The following SEL1L2 variants were observed in gnomAD, a reference collection of about 807,000 sequenced individuals.
SEL1L2 encodes protein sel-1 homolog 2.
Under a neutral mutation model 98.8 loss-of-function variants are expected in SEL1L2, and 89 were observed. The observed-to-expected ratio is 0.90, with a 90% confidence interval of 0.76 to 1.07. SEL1L2 has a LOEUF of 1.07. Ranked by LOEUF, SEL1L2 falls within the 50% of genes least tolerant of loss-of-function variation. SEL1L2 has a pLI of 0.00. For synonymous variants in SEL1L2, 262 were observed against 278.5 expected (o/e 0.94, Z 0.59); for missense variants, 788 against 812.0 (o/e 0.97, Z 0.36).
chr20:13,932,708 G>C, intron 2 of SEL1L2, among the ~76,000 whole-genome samples: 1 of 152,150 alleles, frequency 6.6e-6, no homozygotes, highest in East Asian at 1.9e-4. Context: ...CGGGATTACA[G>C]GCATGAGCCA....
chr20:13,868,465 T>C (rs958990990), intron 14 of SEL1L2, among the ~76,000 whole-genome samples: 17 of 152,148 alleles, frequency 1.1e-4, no homozygotes, highest in African/African-American at 4.1e-4. Context: ...AAGGGCATGC[T>C]GCTTGCAAGA....
intron 14 of SEL1L2, among the ~76,000 whole-genome samples, chr20:13,867,263 C>T (rs942456294): frequency 7.9e-5 from 12 of 152,250 alleles, no homozygotes; most frequent in Admixed American, 5.2e-4. Flanking sequence ...ATGACTATGG[C>T]GTATGCAGCA....
chr20:13,873,362 A>T (rs1451577761), intron 12 of SEL1L2, among the ~76,000 whole-genome samples: 4 of 150,438 alleles, frequency 2.7e-5, no homozygotes, highest in African/African-American at 9.8e-5. Flanking sequence ...ATTTTTATTT[A>T]TTTATTTATT....
At chr20:13,986,923 C>G (rs2052218105) in intron 1 of SEL1L2, among the ~76,000 whole-genome samples, 1 of 152,190 alleles carries the variant, frequency 6.6e-6, no homozygotes, top group African/African-American at 2.4e-5. Context: ...AGCTCCGCCT[C>G]CCGGGTTCAA....
At chr20:13,888,374 C>A in intron 6 of SEL1L2, 85 bp downstream of exon 6, 2 of 853,224 alleles carry the variant, frequency 2.3e-6, no homozygotes, top group Non-Finnish European at 3.8e-6. Flanking sequence ...CTAGAGTGAG[C>A]CCCTTTACTT....
At chr20:13,984,072 C>T (rs187285400) in intron 1 of SEL1L2, among the ~76,000 whole-genome samples, 18 of 150,716 alleles carry the variant, frequency 1.2e-4, no homozygotes, top group South Asian at 6.3e-4. Flanking sequence ...AGTGCAGTGG[C>T]GTGATCTAAG....
intron 17 of SEL1L2, among the ~76,000 whole-genome samples, 165 bp from the exon 18 acceptor site, chr20:13,859,599 G>A (rs1160018655): frequency 6.6e-6 from 1 of 152,176 alleles, no homozygotes; most frequent in Non-Finnish European, 1.5e-5. Context: ...ACTGGAATTA[G>A]ATATACTTTA....
chr20:13,986,269 T>C (rs2052177980), intron 1 of SEL1L2, among the ~76,000 whole-genome samples: 1 of 152,094 alleles, frequency 6.6e-6, no homozygotes, highest in Non-Finnish European at 1.5e-5. Context: ...TAACATAAAA[T>C]TACCCGTTTT....
intron 2 of SEL1L2, among the ~76,000 whole-genome samples, chr20:13,952,832 C>T (rs1219074319): frequency 2.0e-5 from 3 of 152,138 alleles, no homozygotes; most frequent in Non-Finnish European, 2.9e-5. Flanking sequence ...AGATCAAGAC[C>T]ATCCTGGCCA....
upstream of SEL1L2, among the ~76,000 whole-genome samples, chr20:13,994,048 C>T (rs190926144): frequency 9.2e-5 from 14 of 152,048 alleles, no homozygotes; most frequent in Admixed American, 5.2e-4. Context: ...CGGTGGCTCA[C>T]GCCTGTAATC....
At position 13,886,388 on chromosome 20, in the gene SEL1L2, G is replaced by C; in HGVS notation, c.800C>G (p.Thr267Arg). The change falls in exon 9 of 20, where the codon ACG (threonine) becomes AGG (arginine). Residue 267 changes from threonine to arginine, a missense_variant. Physicochemically the swap from Thr to Arg is moderately conservative, Grantham distance 71. Transcript: ENST00000284951. ...AGAACTCAGATTTTCAGGTCTTTCC[G>C]TTAGTCTCACTTTTTCCACTGGAAC... ...EGVPVEKVRLTERPENLSSNS... is the reference protein window; with the variant it reads ...EGVPVEKVRLRERPENLSSNS... 2 of 1,613,638 alleles carry C rather than the reference G, an allele frequency of 1.2e-6. No individual in the cohort carries two copies. Among genetic ancestry groups the C allele is most frequent in the Non-Finnish European group, 1.7e-6 (2 of 1,179,734 alleles).
intron 5 of SEL1L2, among the ~76,000 whole-genome samples, chr20:13,900,807 T>G (rs1417786209): frequency 6.6e-6 from 1 of 152,176 alleles, no homozygotes; most frequent in Non-Finnish European, 1.5e-5. Flanking sequence ...ATCCCCTTGT[T>G]AAATCCTCCT....
At chr20:13,968,383 T>C (rs2051141523) in intron 1 of SEL1L2, among the ~76,000 whole-genome samples, 1 of 152,258 alleles carries the variant, frequency 6.6e-6, no homozygotes, top group Admixed American at 6.5e-5. Flanking sequence ...GCACAGTGCC[T>C]GGCACAGTGC....
chr20:13,891,049 G>A (rs2047183068), intron 5 of SEL1L2, among the ~76,000 whole-genome samples: 1 of 152,144 alleles, frequency 6.6e-6, no homozygotes. Context: ...TATACATTAT[G>A]AGAGTCTCAG....
Position 13,872,432 on chromosome 20 carries a change from C to A in SEL1L2, c.1105-2229G>T, listed in dbSNP as rs1013032628. Among the ~76,000 whole-genome samples the A allele has an allele frequency of 3.9e-5, 6 of 152,178 alleles. No individual in the cohort carries two copies. The East Asian group carries it at 9.6e-4, about 24-fold the overall frequency. ...TTTCCCTCTTTTGCTCGGCACTTCT[C>A]CTTGCTGCCGCCATGTGAAGAAGGA... On this transcript the variant is annotated intron_variant, in intron 12 of 19. Coordinates refer to ENST00000284951, the MANE Select transcript of SEL1L2 (RefSeq NM_025229.2).
chr20:13,870,627 T>C (rs1227715525), intron 12 of SEL1L2, among the ~76,000 whole-genome samples: 1 of 151,862 alleles, frequency 6.6e-6, no homozygotes, highest in African/African-American at 2.4e-5. Flanking sequence ...AGTCCTAAAG[T>C]TGAAATAGAT....
At chr20:13,897,113 A>C (rs529625048) in intron 5 of SEL1L2, among the ~76,000 whole-genome samples, 5 of 152,220 alleles carry the variant, frequency 3.3e-5, no homozygotes, top group Non-Finnish European at 5.9e-5. Flanking sequence ...CTCACATACA[A>C]GGTCAAATGA....
At position 13,935,935 on chromosome 20, in the gene SEL1L2, G is replaced by A. The variant is rs113755295; in HGVS notation, c.115-4164C>T. Among the ~76,000 whole-genome samples the A allele has an allele frequency of 9.9e-3, 1,502 of 152,232 alleles. 11 individuals are homozygous for A. Among genetic ancestry groups the A allele is most frequent in the Non-Finnish European group, 0.015 (1,002 of 68,012 alleles). ...TGTGGTTTGTTTCTGGAGATATTCC[G>A]GAAACATTGCTGACAAGATTTTCTG... is the stretch of plus-strand genomic sequence containing the variant. On this transcript the variant is annotated intron_variant, in intron 2 of 19. Transcript: ENST00000284951.
intron 10 of SEL1L2, among the ~76,000 whole-genome samples, chr20:13,878,677 A>C (rs528167508): frequency 6.6e-6 from 1 of 152,340 alleles, no homozygotes; most frequent in South Asian, 2.1e-4. Context: ...TGCCACAGTT[A>C]AACCTCATGG....
Sources: gnomAD v4.1 joint callset for allele counts (sites outside exome capture counted in the v4.1 genomes callset) on GRCh38, gnomAD v4.1.1 for gene constraint, MANE v1.5 for transcripts, NCBI Gene and HGNC (gene_info 2026-07-23, HGNC 2026-07-21) for gene names.